Variants in CSGALNACT1 observed in about 807,000 individuals in gnomAD.
CSGALNACT1 encodes the protein chondroitin sulfate N-acetylgalactosaminyltransferase 1.
Under a neutral mutation model 51.0 loss-of-function variants are expected in CSGALNACT1, and 52 were observed. The ratio of observed to expected loss-of-function variants is 1.02; its 90% confidence interval spans 0.82 to 1.29. The LOEUF is 1.29. Ranked by LOEUF, CSGALNACT1 falls within the 50% of genes most tolerant of loss-of-function variation. CSGALNACT1 has a pLI of 0.00. For synonymous variants in CSGALNACT1, 341 were observed against 254.4 expected, an observed-to-expected ratio of 1.34 and a Z score of -3.24; for missense variants, 935 against 679.2, an observed-to-expected ratio of 1.38 and a Z score of -4.19.
intron 1 of CSGALNACT1, among the ~76,000 whole-genome samples, chr8:19,729,455 A>C (rs192490575): frequency 8.5e-4 from 130 of 152,318 alleles, no homozygotes; most frequent in South Asian, 2.5e-3. Context: ...CAGATGCAGA[A>C]TGGTCTGCCT....
At chr8:19,586,585 T>C (rs1193005532) in intron 3 of CSGALNACT1, among the ~76,000 whole-genome samples, 1 of 151,926 alleles carries the variant, frequency 6.6e-6, no homozygotes, top group Admixed American at 6.5e-5. Flanking sequence ...TGTAGATTTT[T>C]TTAAAGCTCC....
rs180829582 is a variant in CSGALNACT1 at position 19,487,618 on chromosome 8, C to A, written c.634+17583G>T. 9.9e-5 allele frequency among the ~76,000 whole-genome samples: 15 copies of A among 152,272 alleles called. No homozygotes were observed. In the South Asian group the frequency reaches 3.1e-3, roughly 32 times the overall value. ...AGACTCAACTGTTGATAAACTCCAA[C>A]AGCCGAAAAGCCACCTCTCTTACAA... is the stretch of plus-strand genomic sequence containing the variant. On this transcript the variant is annotated intron_variant, in intron 4 of 9. Transcript: ENST00000454498.
chr8:19,666,145 G>A (rs1196454946), intron 1 of CSGALNACT1, among the ~76,000 whole-genome samples: 1 of 152,128 alleles, frequency 6.6e-6, no homozygotes, highest in Non-Finnish European at 1.5e-5. Flanking sequence ...GTGAAAGGAG[G>A]GTGCTCCACG....
At chr8:19,562,480 C>CAA (rs1679009802) in intron 3 of CSGALNACT1, among the ~76,000 whole-genome samples, 1 of 139,244 alleles carries the variant, frequency 7.2e-6, no homozygotes, top group African/African-American at 2.9e-5. Flanking sequence ...ACAGCTTCTG[C>CAA]ACAGAAAAAA....
intron 4 of CSGALNACT1, 140 bp downstream of exon 3, chr8:19,505,061 C>T: frequency 2.4e-6 from 2 of 848,842 alleles, no homozygotes. Flanking sequence ...CATGCCGTAC[C>T]TTTTGGTGTC....
intron 5 of CSGALNACT1, among the ~76,000 whole-genome samples, chr8:19,448,655 G>T (rs185763978): frequency 4.5e-4 from 68 of 152,222 alleles, no homozygotes; most frequent in Admixed American, 1.8e-3. Context: ...GCCTTGATAG[G>T]TGAGTAGCCA....
At chr8:19,476,152 C>G (rs539924907) in intron 4 of CSGALNACT1, among the ~76,000 whole-genome samples, 1 of 152,094 alleles carries the variant, frequency 6.6e-6, no homozygotes, top group East Asian at 1.9e-4. Flanking sequence ...GGCCATTTTT[C>G]AGATGATAGT....
intron 1 of CSGALNACT1, among the ~76,000 whole-genome samples, chr8:19,625,959 A>T (rs2054395832): frequency 6.6e-6 from 1 of 152,230 alleles, no homozygotes; most frequent in Non-Finnish European, 1.5e-5. Flanking sequence ...ATTTGCAAAG[A>T]TTTAAAGAGC....
chr8:19,632,848 C>G (rs1040748912), intron 1 of CSGALNACT1, among the ~76,000 whole-genome samples: 1 of 152,094 alleles, frequency 6.6e-6, no homozygotes, highest in Non-Finnish European at 1.5e-5. Context: ...CTCAACCTCC[C>G]AGGCTCATTG....
intron 4 of CSGALNACT1, among the ~76,000 whole-genome samples, chr8:19,467,279 C>G (rs2066925118): frequency 6.6e-6 from 1 of 151,986 alleles, no homozygotes; most frequent in Admixed American, 6.6e-5. Flanking sequence ...GCCACCATGA[C>G]TGGCTAATTT....
chr8:19,576,725 C>T (rs2044310276), intron 3 of CSGALNACT1, among the ~76,000 whole-genome samples: 1 of 152,044 alleles, frequency 6.6e-6, no homozygotes, highest in African/African-American at 2.4e-5. Context: ...CTTTCTAACC[C>T]ACCTGCTGAT....
At chr8:19,610,370 G>C (rs1229001675) in intron 1 of CSGALNACT1, among the ~76,000 whole-genome samples, 1 of 151,444 alleles carries the variant, frequency 6.6e-6, no homozygotes, top group Non-Finnish European at 1.5e-5. Flanking sequence ...CCCTGGCTAG[G>C]ATTCCAACCC....
chr8:19,587,869 G>T (rs1380395527), intron 3 of CSGALNACT1: 1 of 152,124 alleles, frequency 6.6e-6, no homozygotes, highest in South Asian at 2.1e-4. Flanking sequence ...TTTCATATTT[G>T]TGATACCTTT....
At chr8:19,713,342 G>A (rs2062620212) in intron 1 of CSGALNACT1, among the ~76,000 whole-genome samples, 2 of 152,214 alleles carry the variant, frequency 1.3e-5, no homozygotes. Flanking sequence ...CAGGACTCAA[G>A]TGCACTTCAG....
At chr8:19,672,296 G>C (rs567900534) in intron 1 of CSGALNACT1, among the ~76,000 whole-genome samples, 1 of 152,266 alleles carries the variant, frequency 6.6e-6, no homozygotes, top group South Asian at 2.1e-4. Flanking sequence ...GCCTAACACA[G>C]TAGCAGGAAC....
chr8:19,683,051 C>A, upstream of CSGALNACT1: 1 of 251,848 alleles, frequency 4.0e-6, no homozygotes, highest in South Asian at 4.8e-5. Flanking sequence ...TTTGCCATTG[C>A]CAGACAGGAT....
intron 1 of CSGALNACT1, chr8:19,732,459 T>C (rs142567469): frequency 6.6e-6 from 1 of 152,310 alleles, no homozygotes; most frequent in African/African-American, 2.4e-5. Context: ...GACTCACCGA[T>C]AGTTGACCTT....
chr8:19,474,381 TATTA>T (rs1303451978), intron 4 of CSGALNACT1, among the ~76,000 whole-genome samples: 1 of 152,182 alleles, frequency 6.6e-6, no homozygotes, highest in Non-Finnish European at 1.5e-5. Flanking sequence ...TTTACTTATT[TATTA>T]TTTATTTATT....
chr8:19,513,580 C>G (rs1246296935), intron 3 of CSGALNACT1, among the ~76,000 whole-genome samples: 1 of 151,752 alleles, frequency 6.6e-6, no homozygotes, highest in Non-Finnish European at 1.5e-5. Context: ...GGCTGAGGCA[C>G]AGTTATGCCA....
Sources: allele counts gnomAD v4.1 joint callset (sites outside exome capture counted in the v4.1 genomes callset), GRCh38; gene constraint gnomAD v4.1.1; transcripts MANE v1.5; gene names NCBI Gene and HGNC (gene_info 2026-07-23, HGNC 2026-07-21).